ADGRB3: variants seen among roughly 807,000 people sequenced by gnomAD.
ADGRB3 encodes the protein adhesion G protein-coupled receptor B3, also known as brain-specific angiogenesis inhibitor 3.
ADGRB3 carries 37 observed loss-of-function variants against 193.4 expected under a neutral mutation model. That is an observed-to-expected ratio of 0.19 (90% confidence interval 0.15 to 0.25). The LOEUF is 0.25. Among genes scored for constraint, ADGRB3 ranks in the 10% least tolerant of loss-of-function variants. ADGRB3 has a pLI of 1.00. For missense variants in ADGRB3, 1,637 were observed against 1,852.9 expected (o/e 0.88, Z 2.14); for synonymous variants, 690 against 644.2 (o/e 1.07, Z -1.08).
intron 20 of ADGRB3, among the ~76,000 whole-genome samples, chr6:69,305,074 A>G (rs1012283931): frequency 6.6e-6 from 1 of 151,524 alleles, no homozygotes; most frequent in African/African-American, 2.4e-5. Flanking sequence ...CCCTATATAT[A>G]GTAATAATAA....
chr6:69,308,920 A>C (rs956465265), intron 20 of ADGRB3, among the ~76,000 whole-genome samples: 1 of 151,646 alleles, frequency 6.6e-6, no homozygotes, highest in African/African-American at 2.4e-5. Flanking sequence ...ACTTAATCAT[A>C]TGACCTCAGC....
At chr6:69,186,281 G>T (rs1402256700) in intron 17 of ADGRB3, among the ~76,000 whole-genome samples, 1 of 151,560 alleles carries the variant, frequency 6.6e-6, no homozygotes, top group Non-Finnish European at 1.5e-5. Context: ...AAGCTAAAAG[G>T]CATGGTGCTC....
intron 20 of ADGRB3, among the ~76,000 whole-genome samples, chr6:69,323,571 G>T (rs1175631002): frequency 6.6e-6 from 1 of 151,918 alleles, no homozygotes; most frequent in Non-Finnish European, 1.5e-5. Flanking sequence ...ATGAAACAAA[G>T]ATTCACATGC....
intron 10 of ADGRB3, among the ~76,000 whole-genome samples, chr6:68,982,809 A>G (rs1162566071): frequency 1.3e-5 from 2 of 152,166 alleles, no homozygotes; most frequent in Non-Finnish European, 2.9e-5. Flanking sequence ...CTGGCCAACC[A>G]AATTATATTC....
intron 15 of ADGRB3, among the ~76,000 whole-genome samples, chr6:69,051,313 G>A (rs1771385708): frequency 6.6e-6 from 1 of 152,130 alleles, no homozygotes; most frequent in Non-Finnish European, 1.5e-5. Context: ...TAAGTAAAAT[G>A]TGGTAATTGA....
intron 3 of ADGRB3, among the ~76,000 whole-genome samples, chr6:68,816,375 A>T (rs1767631728): frequency 6.6e-6 from 1 of 152,022 alleles, no homozygotes; most frequent in African/African-American, 2.4e-5. Flanking sequence ...CTGAGTATTT[A>T]TAACTAATTA....
intron 20 of ADGRB3, among the ~76,000 whole-genome samples, chr6:69,280,875 C>T (rs1767420930): frequency 6.6e-6 from 1 of 151,936 alleles, no homozygotes; most frequent in Admixed American, 6.6e-5. Flanking sequence ...ATGTAAGGAA[C>T]ATAATACAAA....
chr6:68,676,822 G>A (rs1256971516), intron 3 of ADGRB3, among the ~76,000 whole-genome samples: 3 of 151,942 alleles, frequency 2.0e-5, no homozygotes, highest in African/African-American at 7.3e-5. Context: ...AGTTACCAAG[G>A]GTTTCAAGTT....
chr6:69,115,666 A>G (rs1420327477), intron 17 of ADGRB3, among the ~76,000 whole-genome samples: 1 of 152,182 alleles, frequency 6.6e-6, no homozygotes, highest in Admixed American at 6.5e-5. Context: ...ATTAAAATGG[A>G]TCATATACAG....
intron 13 of ADGRB3, among the ~76,000 whole-genome samples, chr6:69,041,888 G>A (rs552195693): frequency 2.6e-5 from 4 of 152,120 alleles, no homozygotes; most frequent in East Asian, 3.9e-4. Flanking sequence ...CACCATGCCT[G>A]GCCATGATGT....
chr6:68,742,741 A>T (rs367591448), intron 3 of ADGRB3, among the ~76,000 whole-genome samples: 2 of 152,280 alleles, frequency 1.3e-5, no homozygotes, highest in Admixed American at 6.5e-5. Context: ...GTCTTAAGAA[A>T]TAATGTGATA....
intron 3 of ADGRB3, among the ~76,000 whole-genome samples, chr6:68,733,693 T>G (rs1045963013): frequency 2.0e-5 from 3 of 150,802 alleles, no homozygotes; most frequent in African/African-American, 7.4e-5. Context: ...GGATGGTTAG[T>G]GGGTACAAAA....
chr6:68,932,990 A>G (rs1053624998), intron 4 of ADGRB3, among the ~76,000 whole-genome samples: 1 of 150,646 alleles, frequency 6.6e-6, no homozygotes, highest in African/African-American at 2.4e-5. Context: ...GACTTTTTTA[A>G]AAAGAGTAAC....
intron 3 of ADGRB3, among the ~76,000 whole-genome samples, chr6:68,662,985 T>A (rs1768704728): frequency 6.6e-6 from 1 of 151,094 alleles, no homozygotes; most frequent in Admixed American, 6.6e-5. Flanking sequence ...GTTAAATAGA[T>A]AATAACTTTC....
chr6:68,764,565 C>T (rs1221754354), intron 3 of ADGRB3, among the ~76,000 whole-genome samples: 2 of 152,096 alleles, frequency 1.3e-5, no homozygotes. Context: ...TCAAGAGGAA[C>T]CACAAAAGCA....
intron 20 of ADGRB3, among the ~76,000 whole-genome samples, chr6:69,282,034 G>T (rs1767448029): frequency 6.6e-6 from 1 of 152,022 alleles, no homozygotes; most frequent in Non-Finnish European, 1.5e-5. Flanking sequence ...AGTCTGGCTC[G>T]CATTGTGCTC....
chr6:68,998,250 C>A (rs1252184262), intron 11 of ADGRB3, among the ~76,000 whole-genome samples: 1 of 152,180 alleles, frequency 6.6e-6, no homozygotes, highest in Non-Finnish European at 1.5e-5. Context: ...AGTTTAAGTT[C>A]TTGGAGTTAA....
At chr6:68,732,995 T>C (rs1765801036) in intron 3 of ADGRB3, among the ~76,000 whole-genome samples, 1 of 151,778 alleles carries the variant, frequency 6.6e-6, no homozygotes, top group Non-Finnish European at 1.5e-5. Flanking sequence ...TGCTGTTGAC[T>C]TGGGAACCAA....
intron 20 of ADGRB3, among the ~76,000 whole-genome samples, chr6:69,257,592 C>T (rs1048798779): frequency 3.9e-5 from 6 of 152,080 alleles, no homozygotes; most frequent in Non-Finnish European, 5.9e-5. Context: ...TTACCTATTT[C>T]CACTGCTAGA....
Sources: gnomAD v4.1 joint callset for allele counts (sites outside exome capture counted in the v4.1 genomes callset) on GRCh38, gnomAD v4.1.1 for gene constraint, MANE v1.5 for transcripts, NCBI Gene and HGNC (gene_info 2026-07-23, HGNC 2026-07-21) for gene names.